SPPL2A: variants seen among roughly 807,000 people sequenced by gnomAD.
SPPL2A encodes the protein signal peptide peptidase-like 2A.
SPPL2A carries 51 observed loss-of-function variants against 63.8 expected under a neutral mutation model. The observed-to-expected ratio is 0.80, with a 90% CI of 0.64 to 1.01. The LOEUF (loss-of-function observed/expected upper bound fraction) is 1.01. Ranked by LOEUF, SPPL2A falls within the 50% of genes least tolerant of loss-of-function variation. The probability of loss-of-function intolerance (pLI) is 0.00; values close to 1 mark genes in which losing one functional copy is unlikely to be tolerated. For synonymous variants in SPPL2A, 188 were observed against 205.8 expected (o/e 0.91, Z 0.74); for missense variants, 553 against 622.7 (o/e 0.89, Z 1.19).
chr15:50,703,341 TATATACATATATATA>T lies in SPPL2A; in HGVS notation c.*4444_*4458del, dbSNP rs1199552004. On this transcript the variant is annotated 3_prime_UTR_variant, in exon 15 of 15. Coordinates refer to ENST00000261854, the MANE Select transcript of SPPL2A (RefSeq NM_032802.4). Reference sequence around the variant, plus strand: ...TCATATATACATATATATATATATATATATACATATATATATTTTTTTTTTTTTTTTTTTTTTTTG... The same window carrying T: ...TCATATATACATATATATATATATATTTTTTTTTTTTTTTTTTTTTTTTTG... The T allele has an allele frequency of 4.5e-5, 4 of 88,614 alleles. No individual in the cohort carries two copies. Among genetic ancestry groups the T allele is most frequent in the Non-Finnish European group, 6.9e-5 (3 of 43,316 alleles). 5.5% of individuals were successfully genotyped at this position (88,614 alleles called of 1,614,324 possible).
chr15:50,760,115 A>G (rs548126436), intron 1 of SPPL2A, among the ~76,000 whole-genome samples: 4 of 152,380 alleles, frequency 2.6e-5, no homozygotes, highest in African/African-American at 9.6e-5. Flanking sequence ...GGTGGTTTAA[A>G]CAACAGAAAT....
At chr15:50,759,742 CAA>C (rs1033241605) in intron 1 of SPPL2A, among the ~76,000 whole-genome samples, 14 of 112,532 alleles carry the variant, frequency 1.2e-4, no homozygotes, top group Admixed American at 9.2e-5. Flanking sequence ...GACTCTGTCT[CAA>C]AAAAAAAAAA....
chr15:50,724,734 A>T (rs913119420), intron 12 of SPPL2A, among the ~76,000 whole-genome samples: 2 of 152,362 alleles, frequency 1.3e-5, no homozygotes, highest in East Asian at 3.9e-4. Context: ...CAGAGCAGAC[A>T]TGCTAAGAGA....
rs1368640720 is a variant in SPPL2A, at chr15:50,722,115, A to C, written c.1327+9T>G. Reference sequence around the variant, plus strand: ...TCAACATTTAATACAAAGAAAAACAAAAATTTACCAACTGTAGACGAAACA... The same window carrying C: ...TCAACATTTAATACAAAGAAAAACACAAATTTACCAACTGTAGACGAAACA... On this transcript the variant is annotated intron_variant, in intron 13 of 14. Coordinates refer to ENST00000261854, the MANE Select transcript of SPPL2A (RefSeq NM_032802.4). 2.0e-6 allele frequency: 3 copies of C among 1,491,432 alleles called. No homozygotes were observed. The highest frequency in any genetic ancestry group is 1.4e-5 in the African/African-American group (1 of 72,420). 92.4% of individuals were successfully genotyped at this position (1,491,432 alleles called of 1,614,324 possible).
intron 11 of SPPL2A, chr15:50,726,042 C>T (rs1347112942): frequency 2.9e-6 from 4 of 1,359,482 alleles, no homozygotes; most frequent in Non-Finnish European, 3.9e-6. Flanking sequence ...GATTTAAAGT[C>T]CAATGAACAT....
chr15:50,740,346 G>A (rs1285482456), intron 5 of SPPL2A, among the ~76,000 whole-genome samples: 1 of 146,234 alleles, frequency 6.8e-6, no homozygotes, highest in Non-Finnish European at 1.5e-5. Flanking sequence ...AGGATTGCTT[G>A]AACCCGGGAG....
rs1318680852 is a variant in SPPL2A, at chr15:50,702,345, C to T, written c.*5455G>A. ...ATTGTTTTTCTTGTCAGTATTGGCA[C>T]ATAATGATAAAGTACTGCTAAATTA... is the stretch of plus-strand genomic sequence containing the variant. On this transcript the variant is annotated 3_prime_UTR_variant, in exon 15 of 15. Coordinates refer to ENST00000261854, the MANE Select transcript of SPPL2A (RefSeq NM_032802.4). 1.3e-5 allele frequency: 2 copies of T among 152,024 alleles called. No individual in the cohort carries two copies. The highest frequency in any genetic ancestry group is 2.9e-5 in the Non-Finnish European group (2 of 68,008). 9.4% of individuals were successfully genotyped at this position (152,024 alleles called of 1,614,324 possible).
chr15:50,743,733 TG>T (rs2062838624), intron 5 of SPPL2A, among the ~76,000 whole-genome samples: 1 of 152,176 alleles, frequency 6.6e-6, no homozygotes, highest in African/African-American at 2.4e-5. Context: ...AAAATTTACA[TG>T]GTAATGGAAG....
chr15:50,712,798 G>T (rs2062570178), intron 14 of SPPL2A, among the ~76,000 whole-genome samples: 1 of 150,354 alleles, frequency 6.7e-6, no homozygotes, highest in African/African-American at 2.4e-5. Context: ...CAATTCTCCT[G>T]CCTCAGCCTC....
rs77080603 is a variant in SPPL2A at position 50,734,279 on chromosome 15, C to T, written c.933-1595G>A. ...CAGTGGATAAAGGAAATATTATACACACTCATATATATATAATTTTACAAA... is the reference window on the plus strand; with the variant it reads ...CAGTGGATAAAGGAAATATTATACATACTCATATATATATAATTTTACAAA... On this transcript the variant is annotated intron_variant, in intron 8 of 14. Coordinates refer to ENST00000261854, the MANE Select transcript of SPPL2A (RefSeq NM_032802.4). 5.6e-3 allele frequency among the ~76,000 whole-genome samples: 853 copies of T among 152,100 alleles called. 6 individuals carry two copies. Among genetic ancestry groups the T allele is most frequent in the African/African-American group, 0.02 (828 of 41,496 alleles).
chr15:50,726,110 A>G, intron 11 of SPPL2A: 1 of 1,511,612 alleles, frequency 6.6e-7, no homozygotes, highest in Non-Finnish European at 8.9e-7. Context: ...AGTGGCTTCC[A>G]CCAAGTTTCC....
At chr15:50,748,988 G>T (rs2062883234) in intron 2 of SPPL2A, 118 bp from the exon 3 acceptor site, 2 of 550,248 alleles carry the variant, frequency 3.6e-6, no homozygotes, top group Admixed American at 3.5e-5. Flanking sequence ...TTTTGAATTA[G>T]AAATATTTAG....
intron 12 of SPPL2A, among the ~76,000 whole-genome samples, chr15:50,723,129 T>C (rs1323143255): frequency 1.3e-5 from 2 of 152,144 alleles, no homozygotes; most frequent in Admixed American, 6.6e-5. Context: ...TTACATATGT[T>C]AGAATGGCTG....
rs754724848 is a variant in SPPL2A, at chr15:50,732,590, T to C, written c.1014+13A>G. 6 of 1,483,032 alleles carry C rather than the reference T, an allele frequency of 4.0e-6. No individual in the cohort carries two copies. The East Asian group carries it at 9.1e-5, about 22-fold the overall frequency. The allele number at this position is 1,483,032 out of a possible 1,614,324, so 91.9% of individuals were successfully genotyped here. ...ATTTATTTTAACTAGCAAAGTAGTA[T>C]TGTATACATTACCTTGAAGTTGGGC... is the stretch of plus-strand genomic sequence containing the variant. On this transcript the variant is annotated intron_variant, in intron 9 of 14. Coordinates refer to ENST00000261854, the MANE Select transcript of SPPL2A (RefSeq NM_032802.4).
chr15:50,734,273 T>C (rs1174456138), intron 8 of SPPL2A, among the ~76,000 whole-genome samples: 2 of 152,084 alleles, frequency 1.3e-5, no homozygotes, highest in Non-Finnish European at 2.9e-5. Context: ...AAGGAAATAT[T>C]ATACACACTC....
intron 13 of SPPL2A, 40 bp from the exon 14 acceptor site, chr15:50,720,140 T>G (rs753440588): frequency 6.5e-7 from 1 of 1,537,184 alleles, no homozygotes; most frequent in Non-Finnish European, 8.8e-7. Flanking sequence ...TTTCTACATG[T>G]TACCAAAGGT....
intron 8 of SPPL2A, among the ~76,000 whole-genome samples, chr15:50,734,329 C>A (rs149226787): frequency 1.3e-5 from 2 of 151,930 alleles, no homozygotes; most frequent in Non-Finnish European, 2.9e-5. Flanking sequence ...TATTATTCAG[C>A]CATAAAAAAT....
At chr15:50,716,062 T>A (rs948751593) in intron 14 of SPPL2A, among the ~76,000 whole-genome samples, 1 of 152,188 alleles carries the variant, frequency 6.6e-6, no homozygotes, top group Non-Finnish European at 1.5e-5. Flanking sequence ...TATCCATTTA[T>A]CCAGAGAAGG....
intron 14 of SPPL2A, among the ~76,000 whole-genome samples, chr15:50,714,617 G>C (rs1352655176): frequency 7.3e-6 from 1 of 136,522 alleles, no homozygotes; most frequent in African/African-American, 2.7e-5. Context: ...GGCAATAAGA[G>C]TGAAACTCCA....
Sources: gnomAD v4.1 joint callset for allele counts (sites outside exome capture counted in the v4.1 genomes callset) on GRCh38, gnomAD v4.1.1 for gene constraint, MANE v1.5 for transcripts, NCBI Gene and HGNC (gene_info 2026-07-23, HGNC 2026-07-21) for gene names.